EXTL1: variants seen among roughly 807,000 people sequenced by gnomAD.
EXTL1 encodes exostosin like glycosyltransferase 1.
In EXTL1, 43 loss-of-function variants were observed where a neutral mutation model predicts 64.6. That is an observed-to-expected ratio of 0.67 (90% CI 0.52 to 0.86). The LOEUF (loss-of-function observed/expected upper bound fraction) is 0.86, where lower values mean the gene tolerates loss of function less well. Ranked by LOEUF, EXTL1 falls within the 40% of genes least tolerant of loss-of-function variation. EXTL1 has a pLI of 0.00. For synonymous variants in EXTL1, 352 were observed against 360.5 expected (o/e 0.98, Z 0.27); for missense variants, 766 against 879.0 (o/e 0.87, Z 1.62).
intron 5 of EXTL1, 88 bp downstream of exon 5, chr1:26,031,352 T>A: frequency 6.6e-7 from 1 of 1,525,962 alleles, no homozygotes; most frequent in Non-Finnish European, 8.9e-7. Context: ...ACCAAGACCC[T>A]TTCCAAGCCC....
At chr1:26,029,500 C>T in intron 2 of EXTL1, 100 bp from the exon 3 acceptor site, 1 of 755,926 alleles carries the variant, frequency 1.3e-6, no homozygotes, top group Non-Finnish European at 2.3e-6. Context: ...TCCTCTTTGC[C>T]CCTTGCCCCC....
At chr1:26,029,541 C>G (rs1006622612) in intron 2 of EXTL1, 59 bp from the exon 3 acceptor site, 3 of 1,020,462 alleles carry the variant, frequency 2.9e-6, no homozygotes, top group Non-Finnish European at 4.5e-6. Context: ...TGGAACTGGG[C>G]GGGGGGTGAG....
At chr1:26,027,069 C>T (rs2050224468) in intron 1 of EXTL1, among the ~76,000 whole-genome samples, 1 of 152,204 alleles carries the variant, frequency 6.6e-6, no homozygotes, top group Admixed American at 6.5e-5. Flanking sequence ...GATCTATTCC[C>T]TAGTGTCTCA....
chr1:26,023,232 G>A lies in EXTL1; in HGVS notation c.586G>A (p.Val196Met). The change falls in exon 1 of 11, where the codon GTG (valine) becomes ATG (methionine). Residue 196 changes from valine to methionine, a missense_variant. Val to Met is a conservative substitution (Grantham distance 21, BLOSUM62 1). Transcript: ENST00000374280. ...GGACTCCTTCCGGCCCGGCTTTGAT[G>A]TGGCCCTCCCTTTTCTCCCTGAAGC... The part of the protein sequence containing the change: ...TVDSFRPGFD[V>M]ALPFLPEAHP... 6.2e-7 allele frequency: 1 copy of A among 1,607,748 alleles called. No homozygotes were observed. Among genetic ancestry groups the A allele is most frequent in the South Asian group, 1.1e-5 (1 of 90,478 alleles).
chr1:26,029,800 C>T, intron 3 of EXTL1, 93 bp downstream of exon 3: 1 of 756,414 alleles, frequency 1.3e-6, no homozygotes, highest in Non-Finnish European at 2.3e-6. Flanking sequence ...AGTCCTCATT[C>T]CTATCTGCCT....
At position 26,022,444 on chromosome 1, in the gene EXTL1, GCCT is replaced by G. The variant is rs912706620; in HGVS notation, c.-196_-194del. ...AGGCCAGCAAGCTGGGTCCCACCTGGCCTCCTCCTGCCTGGCTGGTGACTCACT... is the reference window on the plus strand; with the variant it reads ...AGGCCAGCAAGCTGGGTCCCACCTGGCCTCCTGCCTGGCTGGTGACTCACT... On this transcript the variant is annotated 5_prime_UTR_variant, in exon 1 of 11. Transcript: ENST00000374280. 1.9e-6 allele frequency: 1 copy of G among 524,860 alleles called. No homozygotes were observed. Among genetic ancestry groups the G allele is most frequent in the Non-Finnish European group, 3.4e-6 (1 of 294,508 alleles). 32.5% of individuals were successfully genotyped at this position (524,860 alleles called of 1,614,324 possible).
At chr1:26,032,565 T>A in intron 7 of EXTL1, 80 bp downstream of exon 7, 3 of 1,074,156 alleles carry the variant, frequency 2.8e-6, no homozygotes, top group South Asian at 3.0e-5. Flanking sequence ...GTTTTATGAA[T>A]ACTTGGGCCT....
chr1:26,029,591 G>GC lies in EXTL1; in HGVS notation c.874-3dup, dbSNP rs1367847940. On this transcript the variant is annotated splice_polypyrimidine_tract_variant and intron_variant, in intron 2 of 10. Transcript: ENST00000374280. The stretch of plus-strand genomic sequence containing the variant: ...GGCTGGGCTCCCCAGTGACCTCCCC[G>GC]CCCCCCAGGCCGGCTGCATCCCAGT... The GC allele has an allele frequency of 7.0e-6, 11 of 1,569,780 alleles. No individual in the cohort carries two copies. The highest frequency in any genetic ancestry group is 2.3e-5 in the South Asian group (2 of 88,144).
At position 26,031,277 on chromosome 1, in the gene EXTL1, G is replaced by A. The variant is rs1462385487; in HGVS notation, c.1234+13G>A. The A allele has an allele frequency of 3.7e-6, 6 of 1,612,214 alleles. No homozygotes were observed. Among genetic ancestry groups the A allele is most frequent in the East Asian group, 2.2e-5 (1 of 44,862 alleles). On this transcript the variant is annotated intron_variant, in intron 5 of 10. Transcript: ENST00000374280. ...TACCTGCAACAGGGTATGCCCTGGG[G>A]ATGGGACAACCTGAAGTCCCCTCAG...
At chr1:26,030,724 T>C in intron 4 of EXTL1, 129 bp downstream of exon 4, 1 of 1,062,398 alleles carries the variant, frequency 9.4e-7, no homozygotes, top group African/African-American at 1.6e-5. Flanking sequence ...CTGGGATGAA[T>C]CTGAGACTTG....
At position 26,031,488 on chromosome 1, in the gene EXTL1, C is replaced by T. The variant is rs1397860614; in HGVS notation, c.1263C>T (p.Ala421=). The part of the protein sequence containing the change: ...QGSRPEGRFS[A]LIWVGPPGQP... ...CCCGCCCTGAGGGCAGATTCAGCGCCCTGATCTGGGTGGGGCCCCCAGGCC... is the reference window on the plus strand; with the variant it reads ...CCCGCCCTGAGGGCAGATTCAGCGCTCTGATCTGGGTGGGGCCCCCAGGCC... Residue 421 remains alanine (A), a synonymous_variant, in exon 6 of 11, where the codon GCC becomes GCT. Transcript: ENST00000374280. The T allele has an allele frequency of 6.3e-7, 1 of 1,595,406 alleles. No individual in the cohort carries two copies. The highest frequency in any genetic ancestry group is 8.5e-7 in the Non-Finnish European group (1 of 1,170,840).
At chr1:26,031,779 C>T (rs185884769) in intron 6 of EXTL1, among the ~76,000 whole-genome samples, 1 of 152,378 alleles carries the variant, frequency 6.6e-6, no homozygotes, top group Admixed American at 6.5e-5. Flanking sequence ...GCAGATGTCT[C>T]TTGGGGAGGC....
Position 26,031,443 on chromosome 1 carries a change from G to C in EXTL1, c.1235-17G>C. On this transcript the variant is annotated splice_polypyrimidine_tract_variant and intron_variant, in intron 5 of 10. Transcript: ENST00000374280. ...CTGTTCCCTCCCACTCTAATAGCCT[G>C]TGTCTCATTCCCCCAGGCTCCCGCC... 3 of 1,499,820 alleles carry C rather than the reference G, an allele frequency of 2.0e-6. No homozygotes were observed. The highest frequency in any genetic ancestry group is 2.7e-6 in the Non-Finnish European group (3 of 1,101,564). The allele number at this position is 1,499,820 out of a possible 1,614,324, so 92.9% of individuals were successfully genotyped here.
chr1:26,026,050 G>A (rs1246871733), intron 1 of EXTL1, among the ~76,000 whole-genome samples: 1 of 151,952 alleles, frequency 6.6e-6, no homozygotes, highest in Admixed American at 6.6e-5. Context: ...CTGAGCTTAG[G>A]CAACATGGTG....
rs1379925822 is a variant in EXTL1 at position 26,029,305 on chromosome 1, C to T, written c.873+19C>T. ...CCTGCAGGTACAACCCCAATTTGAG[C>T]ATCACCCATCCTCTGTCCCCCAGCA... On this transcript the variant is annotated intron_variant, in intron 2 of 10. Coordinates refer to ENST00000374280, the MANE Select transcript of EXTL1 (RefSeq NM_004455.3). The T allele has an allele frequency of 1.9e-6, 3 of 1,593,234 alleles. No homozygotes were observed. Among genetic ancestry groups the T allele is most frequent in the Admixed American group, 1.7e-5 (1 of 59,930 alleles).
In EXTL1 at chr1:26,030,587, A is replaced by G; in HGVS notation, c.1093A>G (p.Thr365Ala). Residue 365 changes from threonine to alanine, a missense_variant, in exon 4 of 11, where the codon ACT (threonine) becomes GCT (alanine). Transcript: ENST00000374280. The part of the protein sequence containing the change: ...FSSVEKVIHT[T>A]LEVIQDRIFG... ...CTCAGTGGAGAAGGTCATCCATACC[A>G]CTCTGGAGGTGAGGGGTCTCACCTG... 1 of 1,609,208 alleles carries G rather than the reference A, an allele frequency of 6.2e-7. No homozygotes were observed. Among genetic ancestry groups the G allele is most frequent in the Non-Finnish European group, 8.5e-7 (1 of 1,177,704 alleles).
Position 26,033,306 on chromosome 1 carries a change from C to T in EXTL1, c.1509C>T (p.Ser503=). The stretch of plus-strand genomic sequence containing the variant: ...GCCTCGATGCCCGCAGCAGTCTTTC[C>T]ACAAGTGAGGTGAGGGCTGGGCCCA... The part of the protein sequence containing the change: ...ILSLDARSSL[S]TSEVDFAFLV... Residue 503 remains serine, a synonymous_variant, in exon 8 of 11, where the codon TCC becomes TCT. Transcript: ENST00000374280. The surrounding 1 kb of genome is among the most constrained non-coding windows in gnomAD (Gnocchi z 5.1). 6.2e-7 allele frequency: 1 copy of T among 1,613,828 alleles called. No individual in the cohort carries two copies. Among genetic ancestry groups the T allele is most frequent in the Non-Finnish European group, 8.5e-7 (1 of 1,179,814 alleles).
rs777185117 is a variant in EXTL1 at position 26,023,346 on chromosome 1, G to A, written c.700G>A (p.Gly234Ser). The change falls in exon 1 of 11, where the codon GGT (glycine) becomes AGT (serine). Residue 234 changes from glycine to serine, a missense_variant. Gly to Ser is a moderately conservative substitution (Grantham distance 56). Transcript: ENST00000374280. ...CCTGCTAGCCCTGGAAGAGGAGAGG[G>A]GTGGGTGGCGCACAGCAGACACTGG... is the stretch of plus-strand genomic sequence containing the variant. ...VALLALEEER[G>S]GWRTADTGSS... 6.6e-6 allele frequency: 10 copies of A among 1,504,202 alleles called. No individual in the cohort carries two copies. Among genetic ancestry groups the A allele is most frequent in the Non-Finnish European group, 8.9e-6 (10 of 1,124,674 alleles). 93.2% of individuals were successfully genotyped at this position (1,504,202 alleles called of 1,614,324 possible). A position where few individuals can be genotyped will look rare whatever the true frequency, so the allele number is the denominator to read the frequency against.
In EXTL1 at chr1:26,035,460, C is replaced by T. The variant is rs1373561230; in HGVS notation, c.*113C>T. ...CCGGAGAACCTATCATGTCAGCCAG[C>T]GGGCCCACACGTCGGACCCCGGTTG... On this transcript the variant is annotated 3_prime_UTR_variant, in exon 11 of 11. Coordinates refer to ENST00000374280, the MANE Select transcript of EXTL1 (RefSeq NM_004455.3). This position sits in a 1 kb window ranked among gnomAD's most constrained non-coding sequence, Gnocchi z 5.3. The T allele has an allele frequency of 1.2e-5, 12 of 981,690 alleles. No individual in the cohort carries two copies. Among genetic ancestry groups the T allele is most frequent in the Non-Finnish European group, 1.8e-5 (12 of 681,760 alleles). The allele number at this position is 981,690 out of a possible 1,614,324, so 60.8% of individuals were successfully genotyped here.
Sources: allele counts gnomAD v4.1 joint callset (sites outside exome capture counted in the v4.1 genomes callset), GRCh38; gene constraint gnomAD v4.1.1; non-coding constraint Gnocchi (gnomAD v3.1); transcripts MANE v1.5; gene names NCBI Gene and HGNC (gene_info 2026-07-23, HGNC 2026-07-21).